Variants in RIMS1 observed in about 807,000 individuals in gnomAD.
RIMS1 encodes the protein regulating synaptic membrane exocytosis protein 1.
RIMS1 carries 83 observed loss-of-function variants against 214.1 expected under a neutral mutation model. That is an observed-to-expected ratio of 0.39 (90% CI 0.32 to 0.47). RIMS1 has a LOEUF of 0.47. Among genes scored for constraint, RIMS1 ranks in the 20% least tolerant of loss-of-function variants. The pLI is 0.99. For missense variants in RIMS1, 2,050 were observed against 2,161.8 expected (o/e 0.95, Z 1.03); for synonymous variants, 793 against 786.8 (o/e 1.01, Z -0.13).
intron 1 of RIMS1, among the ~76,000 whole-genome samples, chr6:71,916,211 T>G (rs1778368638): frequency 6.6e-6 from 1 of 152,094 alleles, no homozygotes; most frequent in Admixed American, 6.6e-5. Flanking sequence ...TGTGAAGAGT[T>G]TAAGAGTTTT....
chr6:72,197,192 A>G (rs1477052381), intron 6 of RIMS1, among the ~76,000 whole-genome samples: 1 of 152,126 alleles, frequency 6.6e-6, no homozygotes, highest in Admixed American at 6.5e-5. Context: ...TACTCTATTC[A>G]CAAATGTCAG....
chr6:72,338,849 A>AAGAGAGAGAG (rs59731805), intron 29 of RIMS1, among the ~76,000 whole-genome samples: 54 of 138,748 alleles, frequency 3.9e-4, no homozygotes, highest in East Asian at 1.3e-3. Context: ...CCAACTTGTG[A>AAGAGAGAGAG]AGAGAGAGAG....
At chr6:72,101,584 G>A (rs1562313726) in intron 4 of RIMS1, among the ~76,000 whole-genome samples, 1 of 151,826 alleles carries the variant, frequency 6.6e-6, no homozygotes, top group Non-Finnish European at 1.5e-5. Flanking sequence ...CATGTGTGTG[G>A]TGTTGGTATG....
intron 6 of RIMS1, among the ~76,000 whole-genome samples, chr6:72,187,465 C>T (rs941878754): frequency 6.9e-6 from 1 of 144,994 alleles, no homozygotes; most frequent in African/African-American, 2.6e-5. Context: ...AATTTGTGTC[C>T]AGATATCCTT....
chr6:72,322,088 C>T (rs1414664671), intron 28 of RIMS1, among the ~76,000 whole-genome samples: 2 of 152,060 alleles, frequency 1.3e-5, no homozygotes, highest in Non-Finnish European at 2.9e-5. Context: ...AGAGGAAATG[C>T]CAAAAATAGT....
chr6:72,291,311 G>A (rs755446071), intron 25 of RIMS1, among the ~76,000 whole-genome samples: 17 of 152,076 alleles, frequency 1.1e-4, no homozygotes, highest in South Asian at 2.1e-4. Flanking sequence ...ATGGAAGTCC[G>A]CTTAATCCTG....
intron 4 of RIMS1, among the ~76,000 whole-genome samples, chr6:72,173,743 T>C (rs2047341504): frequency 6.6e-6 from 1 of 152,224 alleles, no homozygotes. Flanking sequence ...TTTAATAGTT[T>C]AGTGTTCCTT....
chr6:71,928,620 C>T (rs1782208909), intron 1 of RIMS1, among the ~76,000 whole-genome samples: 1 of 152,034 alleles, frequency 6.6e-6, no homozygotes, highest in South Asian at 2.1e-4. Context: ...ATATTCTTTA[C>T]TAATCTATCA....
At chr6:71,968,355 G>A (rs560942115) in intron 1 of RIMS1, among the ~76,000 whole-genome samples, 1 of 152,170 alleles carries the variant, frequency 6.6e-6, no homozygotes, top group African/African-American at 2.4e-5. Flanking sequence ...ATGACTTAAG[G>A]CACAAAGACA....
chr6:72,151,021 G>A (rs1460626911), intron 4 of RIMS1, among the ~76,000 whole-genome samples: 2 of 152,160 alleles, frequency 1.3e-5, no homozygotes, highest in African/African-American at 2.4e-5. Flanking sequence ...TTAACATAAA[G>A]TTGGAAAGAC....
At chr6:72,082,493 A>G (rs2153776194) in intron 2 of RIMS1, among the ~76,000 whole-genome samples, 1 of 152,288 alleles carries the variant, frequency 6.6e-6, no homozygotes, top group African/African-American at 2.4e-5. Context: ...GCCAGATCAG[A>G]AGCTAATAAG....
chr6:72,208,513 T>G (rs531424802), intron 6 of RIMS1, among the ~76,000 whole-genome samples: 65 of 152,320 alleles, frequency 4.3e-4, no homozygotes, highest in African/African-American at 1.5e-3. Context: ...CTTTTTCTTC[T>G]GACATGTTTT....
chr6:72,252,931 T>C (rs2074118270), intron 16 of RIMS1, 99 bp downstream of exon 16: 1 of 824,772 alleles, frequency 1.2e-6, no homozygotes, highest in African/African-American at 1.7e-5. Context: ...TGAAGATTTA[T>C]AGCACAGAGA....
intron 29 of RIMS1, among the ~76,000 whole-genome samples, chr6:72,360,704 CTA>C (rs1416165689): frequency 1.3e-5 from 2 of 148,592 alleles, no homozygotes; most frequent in Non-Finnish European, 3.0e-5. Flanking sequence ...TATATGTATA[CTA>C]TATTTTTTTT....
At chr6:72,169,617 G>C (rs1268178946) in intron 4 of RIMS1, among the ~76,000 whole-genome samples, 1 of 152,096 alleles carries the variant, frequency 6.6e-6, no homozygotes, top group African/African-American at 2.4e-5. Context: ...TAAAACCCAA[G>C]TTATATCTGG....
Position 72,262,146 on chromosome 6 carries a change from C to A in RIMS1, c.3116+1379C>A. The A allele has an allele frequency of 3.1e-6, 3 of 981,658 alleles. No homozygotes were observed. In the African/African-American group the frequency reaches 5.2e-5, roughly 17 times the overall value. The allele number at this position is 981,658 out of a possible 1,614,324, so 60.8% of individuals were successfully genotyped here. A position where few individuals can be genotyped will look rare whatever the true frequency, so the allele number is the denominator to read the frequency against. On this transcript the variant is annotated intron_variant, in intron 19 of 33. Coordinates refer to ENST00000521978, the MANE Select transcript of RIMS1 (RefSeq NM_014989.7). ...AGTGTGTGAATATTTCTAGGATACT[C>A]ACACCAGTGGTCTAAATATAATAAC...
intron 1 of RIMS1, among the ~76,000 whole-genome samples, chr6:71,965,604 A>G (rs900457243): frequency 6.6e-6 from 1 of 152,158 alleles, no homozygotes; most frequent in Non-Finnish European, 1.5e-5. Context: ...AAAACCCAGC[A>G]GCGCTGAGGG....
At chr6:72,033,804 G>A (rs1363809548) in intron 2 of RIMS1, among the ~76,000 whole-genome samples, 1 of 151,954 alleles carries the variant, frequency 6.6e-6, no homozygotes, top group Admixed American at 6.6e-5. Context: ...TTGTTGTTTG[G>A]CATGAACATT....
chr6:72,194,648 C>A (rs574533347), intron 6 of RIMS1, among the ~76,000 whole-genome samples: 2 of 152,200 alleles, frequency 1.3e-5, no homozygotes, highest in African/African-American at 4.8e-5. Context: ...GTTTTGCTGT[C>A]TCACAAAACC....
Sources: gnomAD v4.1 joint callset for allele counts (sites outside exome capture counted in the v4.1 genomes callset) on GRCh38, gnomAD v4.1.1 for gene constraint, MANE v1.5 for transcripts, NCBI Gene and HGNC (gene_info 2026-07-23, HGNC 2026-07-21) for gene names.